ARSG: variants seen among roughly 807,000 people sequenced by gnomAD.
The protein encoded by ARSG is arylsulfatase G, also known as ASG.
In ARSG, 37 loss-of-function variants were observed where a neutral mutation model predicts 50.5. The ratio of observed to expected loss-of-function variants is 0.73; its 90% confidence interval spans 0.56 to 0.96. The LOEUF (loss-of-function observed/expected upper bound fraction) is 0.96, where lower values mean the gene tolerates loss of function less well. ARSG is among the 50% of genes least tolerant of loss of function. ARSG has a pLI of 0.00. For synonymous variants in ARSG, 225 were observed against 254.6 expected (o/e 0.88, Z 1.11); for missense variants, 629 against 675.3 (o/e 0.93, Z 0.76).
intron 3 of ARSG, 83 bp from the exon 4 acceptor site, chr17:68,347,042 G>A (rs1359044999): frequency 6.3e-7 from 1 of 1,580,824 alleles, no homozygotes; most frequent in Non-Finnish European, 8.7e-7. Flanking sequence ...CTAATGGAGA[G>A]CTGAGTGTGT....
rs139277661 is a variant in ARSG, at chr17:68,399,156, G to T, written c.1213-2204G>T. Among the ~76,000 whole-genome samples, 37 of 152,286 alleles carry T rather than the reference G, an allele frequency of 2.4e-4. No homozygotes were observed. Among genetic ancestry groups the T allele is most frequent in the African/African-American group, 8.9e-4 (37 of 41,564 alleles). ...TCAAATGCTTGACACGCCCCTGGAG[G>T]CCATACATCGAGGAAACAAGCTGAG... On this transcript the variant is annotated intron_variant, in intron 10 of 11. Transcript: ENST00000621439. The surrounding 1 kb of genome is among the most constrained non-coding windows in gnomAD (Gnocchi z 4.6).
rs1176961531 is a variant in ARSG at position 68,259,746 on chromosome 17, A to G, written c.-552+320A>G. On this transcript the variant is annotated intron_variant, in intron 1 of 11. Transcript: ENST00000448504. ...CGTGTGTTTGTTACACTTGCAGTAC[A>G]TCTTACTTCCAACTGGCCACATTTT... Among the ~76,000 whole-genome samples, 6 of 152,154 alleles carry G rather than the reference A, an allele frequency of 3.9e-5. 1 individual carries two copies. Among genetic ancestry groups the G allele is most frequent in the South Asian group, 4.1e-4 (2 of 4,828 alleles).
chr17:68,305,900 AC>A (rs1470466535), intron 1 of ARSG, among the ~76,000 whole-genome samples: 8 of 151,942 alleles, frequency 5.3e-5, no homozygotes, highest in Non-Finnish European at 1.0e-4. Context: ...ACATGGTGAA[AC>A]CCCGTTTCTA....
At chr17:68,377,226 T>G (rs905701056) in intron 8 of ARSG, among the ~76,000 whole-genome samples, 3 of 152,142 alleles carry the variant, frequency 2.0e-5, no homozygotes, top group Admixed American at 6.5e-5. Flanking sequence ...CCAAGGAGAA[T>G]GGAAGGCATC....
At position 68,307,460 on chromosome 17, in the gene ARSG, C is replaced by G; in HGVS notation, c.-34C>G. 1 of 1,552,494 alleles carries G rather than the reference C, an allele frequency of 6.4e-7. No homozygotes were observed. The highest frequency in any genetic ancestry group is 8.8e-7 in the Non-Finnish European group (1 of 1,130,244). ...AAAAATCTCTAGTGGTGGCTGCCGT[C>G]GCTCCAGACAATCGGAATCCTGCCT... On this transcript the variant is annotated 5_prime_UTR_variant, in exon 2 of 12. Transcript: ENST00000621439.
rs756314416 is a variant in ARSG at position 68,343,681 on chromosome 17, G to A, written c.296G>A (p.Arg99His). ...TTGCTCACCGGCCGGCTTGGCCTTC[G>A]CAATGGAGTCACACGCAACTTTGCA... ...ASLLTGRLGL[R>H]NGVTRNFAVT... The change falls in exon 3 of 12, where the codon CGC (arginine) becomes CAC (histidine). Residue 99 changes from arginine to histidine, a missense_variant. Physicochemically the swap from Arg to His is conservative, Grantham distance 29. Transcript: ENST00000621439. 8.1e-6 allele frequency: 13 copies of A among 1,614,134 alleles called. No homozygotes were observed. The highest frequency in any genetic ancestry group is 5.5e-5 in the South Asian group (5 of 91,086).
intron 1 of ARSG, among the ~76,000 whole-genome samples, chr17:68,282,334 A>C (rs2075719323): frequency 6.6e-6 from 1 of 151,620 alleles, no homozygotes; most frequent in African/African-American, 2.4e-5. Context: ...GGGGAACATC[A>C]CACACCGGGG....
rs9911255 is a variant in ARSG at position 68,343,807 on chromosome 17, G to A, written c.406+16G>A. 135 of 1,593,676 alleles carry A rather than the reference G, an allele frequency of 8.5e-5. No homozygotes were observed. In the African/African-American group the frequency reaches 8.9e-4, roughly 10 times the overall value. On this transcript the variant is annotated intron_variant, in intron 3 of 11. Transcript: ENST00000621439. Reference sequence around the variant, plus strand: ...GGGATAATAGGTAACTCTGGGCCCCGTCTGCCTGTTGCATTTACTGCAGTG... The same window carrying A: ...GGGATAATAGGTAACTCTGGGCCCCATCTGCCTGTTGCATTTACTGCAGTG...
At chr17:68,289,040 T>C (rs1018906437), upstream of ARSG, among the ~76,000 whole-genome samples, 5 of 152,150 alleles carry the variant, frequency 3.3e-5, no homozygotes, top group Admixed American at 3.3e-4. Context: ...TGTGGTTAAG[T>C]GTCCCCTTAA....
intron 1 of ARSG, among the ~76,000 whole-genome samples, chr17:68,302,066 C>A (rs2145483219): frequency 6.6e-6 from 1 of 152,244 alleles, no homozygotes; most frequent in African/African-American, 2.4e-5. Flanking sequence ...TTGTCTGTTT[C>A]ATTTACGGCT....
rs58911609 is a variant in ARSG, at chr17:68,313,683, C to CT, written c.218+5986dup. 1.9e-3 allele frequency among the ~76,000 whole-genome samples: 240 copies of CT among 128,226 alleles called. 3 individuals are homozygous for CT. The highest frequency in any genetic ancestry group is 2.7e-3 in the Non-Finnish European group (167 of 62,642). The allele number at this position is 128,226 out of a possible 152,430, so 84.1% of individuals were successfully genotyped here. On this transcript the variant is annotated intron_variant, in intron 2 of 11. Coordinates refer to ENST00000621439, the MANE Select transcript of ARSG (RefSeq NM_001267727.2). ...CTGTATTACGTATCTCTCTCTCTCT[C>CT]TTTTTTTTTTTTTTGAGACACAGTT...
In ARSG at chr17:68,399,476, T is replaced by C. The variant is rs2081383610; in HGVS notation, c.1213-1884T>C. On this transcript the variant is annotated intron_variant, in intron 10 of 11. Coordinates refer to ENST00000621439, the MANE Select transcript of ARSG (RefSeq NM_001267727.2). This position sits in a 1 kb window ranked among gnomAD's most constrained non-coding sequence, Gnocchi z 4.6. ...AGTTTGCAGAAGATAAAGTCATCTT[T>C]GAAATTTGAACCAGGCATCTGGAGA... is the stretch of plus-strand genomic sequence containing the variant. 6.6e-6 allele frequency among the ~76,000 whole-genome samples: 1 copy of C among 152,234 alleles called. No homozygotes were observed. Among genetic ancestry groups the C allele is most frequent in the South Asian group, 2.1e-4 (1 of 4,834 alleles).
intron 4 of ARSG, 97 bp downstream of exon 4, chr17:68,347,269 C>A (rs1599818428): frequency 7.2e-7 from 1 of 1,391,926 alleles, no homozygotes; most frequent in East Asian, 2.3e-5. Flanking sequence ...TCTCTGGGGG[C>A]AACCCTAAGT....
chr17:68,426,988 A>T (rs1305959886), downstream of ARSG: 2 of 669,282 alleles, frequency 3.0e-6, no homozygotes, highest in African/African-American at 3.6e-5. Context: ...AGAGCACTCC[A>T]CCCCCAGGTA....
At chr17:68,437,002 A>AG in the ARSG span, among the ~76,000 whole-genome samples, 1 of 60,650 alleles carries the variant, frequency 1.6e-5, no homozygotes, top group Non-Finnish European at 4.0e-5. Flanking sequence ...TCAAAAAAAA[A>AG]AAAATATATA....
intron 9 of ARSG, 70 bp from the exon 10 acceptor site, chr17:68,395,003 G>T: frequency 6.3e-7 from 1 of 1,596,136 alleles, no homozygotes; most frequent in East Asian, 2.3e-5. Flanking sequence ...GTTCAGGTGG[G>T]GGTTGACACG....
chr17:68,375,702 G>A (rs536908154), intron 8 of ARSG, among the ~76,000 whole-genome samples: 1 of 152,288 alleles, frequency 6.6e-6, no homozygotes, highest in South Asian at 2.1e-4. Flanking sequence ...ATGAGTAGGA[G>A]ACAGCCAGGA....
chr17:68,364,795 A>AT (rs1269840295), intron 6 of ARSG, among the ~76,000 whole-genome samples: 1 of 152,138 alleles, frequency 6.6e-6, no homozygotes, highest in Non-Finnish European at 1.5e-5. Context: ...TATAATCAGT[A>AT]TTTTTTTAAA....
At chr17:68,389,008 T>G (rs1010956062) in intron 9 of ARSG, among the ~76,000 whole-genome samples, 1 of 151,990 alleles carries the variant, frequency 6.6e-6, no homozygotes, top group Admixed American at 6.6e-5. Context: ...CTCGTGGCTC[T>G]GAAAGACAGT....
Sources: allele counts gnomAD v4.1 joint callset (sites outside exome capture counted in the v4.1 genomes callset), GRCh38; gene constraint gnomAD v4.1.1; non-coding constraint Gnocchi (gnomAD v3.1); transcripts MANE v1.5; gene names NCBI Gene and HGNC (gene_info 2026-07-23, HGNC 2026-07-21).